PDGFD: variants seen among roughly 807,000 people sequenced by gnomAD.
The protein encoded by PDGFD is platelet-derived growth factor D.
In PDGFD, 30 loss-of-function variants were observed where a neutral mutation model predicts 44.7. The ratio of observed to expected loss-of-function variants is 0.67; its 90% CI spans 0.50 to 0.91. The LOEUF (loss-of-function observed/expected upper bound fraction) is 0.91. PDGFD is among the 40% of genes least tolerant of loss of function. The probability of loss-of-function intolerance (pLI) is 0.00; values close to 1 mark genes in which losing one functional copy is unlikely to be tolerated. For missense variants in PDGFD, 445 were observed against 457.8 expected (o/e 0.97, Z 0.25); for synonymous variants, 173 against 168.4 (o/e 1.03, Z -0.21).
At chr11:104,080,780 G>A (rs1285994649) in intron 1 of PDGFD, among the ~76,000 whole-genome samples, 1 of 152,170 alleles carries the variant, frequency 6.6e-6, no homozygotes, top group Non-Finnish European at 1.5e-5. Context: ...CTGAGAATAT[G>A]CCATAAAAGA....
rs112184418 is a variant in PDGFD, at chr11:104,139,322, T to C, written c.124+24482A>G. On this transcript the variant is annotated intron_variant, in intron 1 of 6. Coordinates refer to ENST00000393158, the MANE Select transcript of PDGFD (RefSeq NM_025208.5). ...TCCTGAGAGCTTCCTCAGAGCATAA[T>C]ACATGGAGGCTGCCGGGGATATAAC... Among the ~76,000 whole-genome samples the C allele has an allele frequency of 6.0e-3, 907 of 152,170 alleles. 6 individuals carry two copies. The highest frequency in any genetic ancestry group is 0.021 in the African/African-American group (856 of 41,508).
chr11:104,003,516 G>C (rs571270448), intron 1 of PDGFD, among the ~76,000 whole-genome samples: 1 of 152,340 alleles, frequency 6.6e-6, no homozygotes, highest in East Asian at 1.9e-4. Flanking sequence ...AGGTGGCAGT[G>C]ATGCCACTTT....
rs531712443 is a variant in PDGFD at position 103,925,845 on chromosome 11, C to T, written c.987+1067G>A. On this transcript the variant is annotated intron_variant, in intron 6 of 6. Transcript: ENST00000393158. ...CCGGGTTCAAGTGATTCTCCCGCCT[C>T]AGCCTCCTGAGTAGCTGGGATTACA... is the stretch of plus-strand genomic sequence containing the variant. Among the ~76,000 whole-genome samples, 5 of 151,612 alleles carry T rather than the reference C, an allele frequency of 3.3e-5. No homozygotes were observed. In the East Asian group the frequency reaches 9.8e-4, roughly 30 times the overall value.
chr11:104,041,494 T>C (rs1860352198), intron 1 of PDGFD, among the ~76,000 whole-genome samples: 1 of 151,802 alleles, frequency 6.6e-6, no homozygotes, highest in Admixed American at 6.5e-5. Flanking sequence ...TACGTGAAAA[T>C]GGATAAACAA....
chr11:104,034,544 G>C (rs11600096), intron 1 of PDGFD, among the ~76,000 whole-genome samples: 17,106 of 152,102 alleles, frequency 0.11, 1,108 homozygotes, highest in African/African-American at 0.17. Context: ...TTCAAAGAAG[G>C]GGGTGAAACT....
At chr11:104,056,847 C>T (rs1263285968) in intron 1 of PDGFD, among the ~76,000 whole-genome samples, 7 of 151,924 alleles carry the variant, frequency 4.6e-5, no homozygotes, top group East Asian at 1.9e-4. Flanking sequence ...ATAAAAAAAC[C>T]GGCTGGGCAT....
intron 1 of PDGFD, among the ~76,000 whole-genome samples, chr11:104,004,375 A>T (rs1859667679): frequency 6.6e-6 from 1 of 152,196 alleles, no homozygotes; most frequent in Non-Finnish European, 1.5e-5. Context: ...TATTCCCTAA[A>T]CAATACAGTA....
intron 1 of PDGFD, among the ~76,000 whole-genome samples, chr11:104,101,100 A>G (rs995569129): frequency 5.3e-5 from 8 of 152,166 alleles, no homozygotes; most frequent in Non-Finnish European, 1.2e-4. Context: ...AGTTCTGGCC[A>G]GGGCAATCCG....
At chr11:104,046,365 C>A (rs1288664911) in intron 1 of PDGFD, among the ~76,000 whole-genome samples, 3 of 147,582 alleles carry the variant, frequency 2.0e-5, no homozygotes, top group African/African-American at 7.4e-5. Context: ...ATGCTACAGG[C>A]CTCATTCTAT....
At chr11:104,084,994 A>T (rs1446284315) in intron 1 of PDGFD, among the ~76,000 whole-genome samples, 2 of 149,490 alleles carry the variant, frequency 1.3e-5, no homozygotes, top group South Asian at 2.1e-4. Flanking sequence ...CCTTACCCCA[A>T]CTTCCCCCAA....
At chr11:104,123,213 G>A (rs995245507) in intron 1 of PDGFD, among the ~76,000 whole-genome samples, 4 of 152,126 alleles carry the variant, frequency 2.6e-5, no homozygotes, top group South Asian at 2.1e-4. Context: ...TAAAAGCTTC[G>A]ACCATAACAG....
intron 5 of PDGFD, among the ~76,000 whole-genome samples, chr11:103,929,363 G>C (rs557129149): frequency 4.0e-4 from 61 of 152,226 alleles, no homozygotes; most frequent in African/African-American, 1.4e-3. Context: ...GGGTTGGGTG[G>C]TGAATGGCCA....
At chr11:104,041,188 T>C (rs746266698) in intron 1 of PDGFD, among the ~76,000 whole-genome samples, 3 of 152,110 alleles carry the variant, frequency 2.0e-5, no homozygotes, top group Non-Finnish European at 4.4e-5. Flanking sequence ...CAGATTTTTA[T>C]ACATAGAGAA....
chr11:104,066,143 C>T (rs938961333), intron 1 of PDGFD, among the ~76,000 whole-genome samples: 1 of 152,150 alleles, frequency 6.6e-6, no homozygotes, highest in Non-Finnish European at 1.5e-5. Flanking sequence ...AGGGAAATCA[C>T]CAGCTTTTGT....
chr11:103,916,166 T>C (rs1858121917), intron 6 of PDGFD, among the ~76,000 whole-genome samples: 1 of 151,846 alleles, frequency 6.6e-6, no homozygotes, highest in South Asian at 2.1e-4. Flanking sequence ...ACCTACAGAA[T>C]GGGAGAAAAT....
intron 3 of PDGFD, among the ~76,000 whole-genome samples, chr11:103,993,675 T>G (rs575034474): frequency 6.6e-6 from 1 of 152,262 alleles, no homozygotes; most frequent in East Asian, 1.9e-4. Context: ...CCATATGTGA[T>G]CTATCCCTGC....
At chr11:104,000,311 C>T in intron 1 of PDGFD, 56 bp from the exon 2 acceptor site, 1 of 1,424,074 alleles carries the variant, frequency 7.0e-7, no homozygotes, top group South Asian at 1.2e-5. Flanking sequence ...ACAGGAAAGT[C>T]AAAAAAAGAG....
chr11:104,000,035 T>A lies in PDGFD; in HGVS notation c.329+16A>T, dbSNP rs779834579. On this transcript the variant is annotated intron_variant, in intron 2 of 6. Coordinates refer to ENST00000393158, the MANE Select transcript of PDGFD (RefSeq NM_025208.5). ...CACCTTGAAATAGTACCGTAAAAAT[T>A]TTTTTCCCAACTTACCTACAGATAT... is the stretch of plus-strand genomic sequence containing the variant. 1.2e-5 allele frequency: 18 copies of A among 1,559,602 alleles called. No individual in the cohort carries two copies. The Admixed American group carries it at 1.3e-4, about 11-fold the overall frequency.
intron 1 of PDGFD, among the ~76,000 whole-genome samples, chr11:104,118,760 T>C (rs1226125629): frequency 8.7e-6 from 1 of 114,680 alleles, no homozygotes; most frequent in Non-Finnish European, 1.7e-5. Flanking sequence ...ATAGTATATA[T>C]TATAAATATT....
Sources: gnomAD v4.1 joint callset for allele counts (sites outside exome capture counted in the v4.1 genomes callset) on GRCh38, gnomAD v4.1.1 for gene constraint, MANE v1.5 for transcripts, NCBI Gene and HGNC (gene_info 2026-07-23, HGNC 2026-07-21) for gene names.